DPP3: variants seen among roughly 807,000 people sequenced by gnomAD.
The protein encoded by DPP3 is DPP III.
DPP3 carries 64 observed loss-of-function variants against 89.8 expected under a neutral mutation model. The ratio of observed to expected loss-of-function variants is 0.71; its 90% CI spans 0.58 to 0.88. The LOEUF is 0.88. Ranked by LOEUF, DPP3 falls within the 40% of genes least tolerant of loss-of-function variation. DPP3 has a pLI of 0.00. For synonymous variants in DPP3, 377 were observed against 404.3 expected (o/e 0.93, Z 0.81); for missense variants, 835 against 972.5 (o/e 0.86, Z 1.88).
intron 4 of DPP3, 136 bp from the exon 5 acceptor site, chr11:66,487,132 C>A (rs1167625444): frequency 1.3e-6 from 1 of 793,624 alleles, no homozygotes; most frequent in Non-Finnish European, 2.1e-6. Flanking sequence ...ATAACTTTTT[C>A]CCCTGGAGGT....
chr11:66,494,946 G>C (rs937315621), intron 12 of DPP3, among the ~76,000 whole-genome samples: 6 of 152,172 alleles, frequency 3.9e-5, no homozygotes, highest in Admixed American at 2.0e-4. Flanking sequence ...TCCCTCGGCT[G>C]TCTGGTCCTC....
intron 9 of DPP3, 57 bp downstream of exon 9, chr11:66,491,813 G>A (rs1255437479): frequency 1.4e-5 from 23 of 1,591,368 alleles, no homozygotes; most frequent in East Asian, 9.0e-5. Flanking sequence ...CCAAGTCCAC[G>A]TTTCCAGTGT....
intron 17 of DPP3, among the ~76,000 whole-genome samples, chr11:66,505,956 T>C (rs1048298135): frequency 6.6e-6 from 1 of 152,174 alleles, no homozygotes; most frequent in Admixed American, 6.5e-5. Context: ...TGTTTTTGTT[T>C]TTGTTTTTTT....
rs758142559 is a variant in DPP3, at chr11:66,485,297, G to A, written c.360+35G>A. ...GGGAGGGTTGGGGAAGGTGGGGATG[G>A]GGGGCTGGTGGGGTAGAGATGGAAA... On this transcript the variant is annotated intron_variant, in intron 3 of 17. Transcript: ENST00000531863. 4 of 1,591,918 alleles carry A rather than the reference G, an allele frequency of 2.5e-6. No homozygotes were observed. In the East Asian group the frequency reaches 8.9e-5, roughly 36 times the overall value.
chr11:66,504,847 A>T (rs1216655728), intron 17 of DPP3, 73 bp downstream of exon 17: 134 of 1,470,726 alleles, frequency 9.1e-5, no homozygotes, highest in Non-Finnish European at 1.2e-4. Flanking sequence ...AAGCAGTAAG[A>T]ACCCATCCCA....
rs1476625043 is a variant in DPP3, at chr11:66,497,357, C to T, written c.1758C>T (p.Leu586=). 8.1e-6 allele frequency: 13 copies of T among 1,613,892 alleles called. No individual in the cohort carries two copies. The highest frequency in any genetic ancestry group is 4.5e-5 in the East Asian group (2 of 44,892). ...TCTTGCTGGAGGCTGGCGAGGGACT[C>T]GTTACCATCACTCCCACCACAGGCT... The part of the protein sequence containing the change: ...LRVLLEAGEG[L]VTITPTTGSD... Residue 586 remains leucine, a synonymous_variant, in exon 16 of 18, where the codon CTC becomes CTT. Transcript: ENST00000531863.
At chr11:66,489,830 A>G (rs1056936467) in intron 6 of DPP3, among the ~76,000 whole-genome samples, 4 of 152,182 alleles carry the variant, frequency 2.6e-5, no homozygotes, top group Non-Finnish European at 2.9e-5. Context: ...GCTGTTGACT[A>G]AAATACCTCA....
At chr11:66,493,029 C>A in intron 10 of DPP3, 38 bp from the exon 11 acceptor site, 1 of 1,612,540 alleles carries the variant, frequency 6.2e-7, no homozygotes, top group South Asian at 1.1e-5. Flanking sequence ...ACCTTTGACC[C>A]TCACCTCTTC....
At chr11:66,496,526 C>T (rs1018023062) in intron 15 of DPP3, among the ~76,000 whole-genome samples, 3 of 151,634 alleles carry the variant, frequency 2.0e-5, no homozygotes, top group Non-Finnish European at 1.5e-5. Context: ...GCCATTCTCT[C>T]GCCTCAGCCT....
At chr11:66,507,589 A>G (rs1416682406) in intron 17 of DPP3, among the ~76,000 whole-genome samples, 2 of 152,102 alleles carry the variant, frequency 1.3e-5, no homozygotes, top group Non-Finnish European at 1.5e-5. Context: ...CATCTTCAAG[A>G]GTATCCGGGA....
At chr11:66,480,623 A>G in intron 1 of DPP3, 158 bp downstream of exon 1, 2 of 860,326 alleles carry the variant, frequency 2.3e-6, no homozygotes, top group South Asian at 5.0e-5. Context: ...TCCGGGGAGC[A>G]AAGAGTTAAC....
In DPP3 at chr11:66,482,244, C is replaced by T. The variant is rs200192681; in HGVS notation, c.44C>T (p.Ser15Phe). 15 of 1,614,072 alleles carry T rather than the reference C, an allele frequency of 9.3e-6. No homozygotes were observed. Among genetic ancestry groups the T allele is most frequent in the African/African-American group, 1.3e-5 (1 of 74,938 alleles). Residue 15 changes from serine (S) to phenylalanine (F), a missense_variant, in exon 2 of 18, where the codon TCT (serine) becomes TTT (phenylalanine). By Grantham distance (155) the Ser-to-Phe change is radical (BLOSUM62 -2). Coordinates refer to ENST00000531863, the MANE Select transcript of DPP3 (RefSeq NM_130443.4). ...ATCCTGCCCAATGACATCGGCGTGT[C>T]TAGCCTGGACTGCCGTGAGGCCTTC... Reference protein sequence around the residue: ...QYILPNDIGVSSLDCREAFRL... With the variant: ...QYILPNDIGVFSLDCREAFRL...
At chr11:66,508,388 G>A (rs1855855805) in intron 17 of DPP3, among the ~76,000 whole-genome samples, 1 of 152,208 alleles carries the variant, frequency 6.6e-6, no homozygotes. Flanking sequence ...TGAGGAGACT[G>A]AAGCTTGGGA....
chr11:66,507,477 T>A lies in DPP3; in HGVS notation c.2042-1602T>A, dbSNP rs572226069. Among the ~76,000 whole-genome samples the A allele has an allele frequency of 1.5e-3, 227 of 150,356 alleles. 1 individual carries two copies. Among genetic ancestry groups the A allele is most frequent in the East Asian group, 9.5e-3 (48 of 5,076 alleles). The stretch of plus-strand genomic sequence containing the variant: ...GCGAGACTCCATCTAAAAAAAAAAA[T>A]AATAATAATAATCATCATCATAATC... On this transcript the variant is annotated intron_variant, in intron 17 of 17. Coordinates refer to ENST00000531863, the MANE Select transcript of DPP3 (RefSeq NM_130443.4).
Position 66,501,925 on chromosome 11 carries a change from C to T in DPP3, c.1879-2687C>T, listed in dbSNP as rs550940891. ...TAAAAACTACAATATCGGCTGGGCA[C>T]GGTGGCTCACGCCTGTAATCCCAGC... is the stretch of plus-strand genomic sequence containing the variant. On this transcript the variant is annotated intron_variant, in intron 16 of 17. Coordinates refer to ENST00000531863, the MANE Select transcript of DPP3 (RefSeq NM_130443.4). 8.6e-5 allele frequency among the ~76,000 whole-genome samples: 13 copies of T among 151,670 alleles called. No homozygotes were observed. The East Asian group carries it at 1.9e-3, about 23-fold the overall frequency.
chr11:66,482,573 C>T, intron 2 of DPP3, 103 bp downstream of exon 2: 2 of 1,489,184 alleles, frequency 1.3e-6, no homozygotes, highest in Non-Finnish European at 1.8e-6. Context: ...GAGGATTAGA[C>T]CAAAGGTTAC....
At chr11:66,503,284 T>G (rs770241752) in intron 16 of DPP3, among the ~76,000 whole-genome samples, 19 of 152,172 alleles carry the variant, frequency 1.2e-4, no homozygotes, top group Non-Finnish European at 1.9e-4. Flanking sequence ...TTTTATTTTA[T>G]AAAGGGTAAT....
rs1855423694 is a variant in DPP3, at chr11:66,492,708, C to T, written c.989-8C>T. On this transcript the variant is annotated splice_polypyrimidine_tract_variant and splice_region_variant and intron_variant, in intron 9 of 17. Coordinates refer to ENST00000531863, the MANE Select transcript of DPP3 (RefSeq NM_130443.4). ...CTGCCAAGCCACAACCCCCTCCCTC[C>T]TCTGCAGGTTTCGTAGCTGTGGTGA... 4 of 1,571,078 alleles carry T rather than the reference C, an allele frequency of 2.5e-6. No homozygotes were observed. In the South Asian group the frequency reaches 4.8e-5, roughly 19 times the overall value.
rs201180715 is a variant in DPP3, at chr11:66,497,392, G to C, written c.1793G>C (p.Arg598Pro). 6.2e-7 allele frequency: 1 copy of C among 1,613,934 alleles called. No homozygotes were observed. The highest frequency in any genetic ancestry group is 1.1e-5 in the South Asian group (1 of 91,080). Reference sequence around the variant, plus strand: ...ACTCCCACCACAGGCTCCGATGGGCGCCCAGATGCCCGGGTCCGCCTCGAC... The same window carrying C: ...ACTCCCACCACAGGCTCCGATGGGCCCCCAGATGCCCGGGTCCGCCTCGAC... The part of the protein sequence containing the change: ...TITPTTGSDG[R>P]PDARVRLDRS... Residue 598 changes from arginine (R) to proline (P), a missense_variant, in exon 16 of 18, where the codon CGC becomes CCC. Physicochemically the swap from Arg to Pro is moderately radical, Grantham distance 103. Transcript: ENST00000531863.
Sources: gnomAD v4.1 joint callset for allele counts (sites outside exome capture counted in the v4.1 genomes callset) on GRCh38, gnomAD v4.1.1 for gene constraint, MANE v1.5 for transcripts, NCBI Gene and HGNC (gene_info 2026-07-23, HGNC 2026-07-21) for gene names.